The following KSR2 variants were observed in gnomAD, a reference collection of about 807,000 sequenced individuals.
KSR2 encodes kinase suppressor of ras 2.
KSR2 carries 25 observed loss-of-function variants against 107.8 expected under a neutral mutation model. That is an observed-to-expected ratio of 0.23 (90% CI 0.17 to 0.32). The LOEUF is 0.32. Among genes scored for constraint, KSR2 ranks in the 10% least tolerant of loss-of-function variants. The pLI, the probability that KSR2 is intolerant of heterozygous loss-of-function variation, is 1.00. For missense variants in KSR2, 887 were observed against 1,268.9 expected, an observed-to-expected ratio of 0.70 and a Z score of 4.57; for synonymous variants, 480 against 507.0, an observed-to-expected ratio of 0.95 and a Z score of 0.71.
chr12:117,801,321 GT>G (rs1890825552), intron 3 of KSR2, among the ~76,000 whole-genome samples: 1 of 151,326 alleles, frequency 6.6e-6, no homozygotes, highest in Non-Finnish European at 1.5e-5. Flanking sequence ...TAGAGACGAG[GT>G]TTTGTTATAT....
chr12:117,481,524 T>C (rs1872176797), intron 16 of KSR2, among the ~76,000 whole-genome samples: 1 of 152,202 alleles, frequency 6.6e-6, no homozygotes, highest in African/African-American at 2.4e-5. Flanking sequence ...GAGCCCTCAC[T>C]AGACACTAAA....
At chr12:117,532,404 T>G (rs115466293) in intron 10 of KSR2, among the ~76,000 whole-genome samples, 1,613 of 152,266 alleles carry the variant, frequency 0.011, 26 homozygotes, top group African/African-American at 0.032. Context: ...TTGACCTTCT[T>G]GCTTCCCTCT....
At chr12:117,816,494 T>C (rs1189492359) in intron 3 of KSR2, among the ~76,000 whole-genome samples, 3 of 152,222 alleles carry the variant, frequency 2.0e-5, no homozygotes, top group Non-Finnish European at 4.4e-5. Flanking sequence ...AGTGGTTTGT[T>C]GCAATAATAT....
intron 5 of KSR2, among the ~76,000 whole-genome samples, chr12:117,645,286 TC>T (rs1883564802): frequency 6.6e-6 from 1 of 152,218 alleles, no homozygotes; most frequent in Admixed American, 6.5e-5. Context: ...ATGCCTTTAT[TC>T]TAGAACTGGA....
intron 5 of KSR2, among the ~76,000 whole-genome samples, chr12:117,640,230 C>CTCTTTTTTTT (rs1218879931): frequency 1.8e-4 from 22 of 121,082 alleles, no homozygotes; most frequent in Middle Eastern, 8.5e-3. Context: ...TCCAATGAAG[C>CTCTTTTTTTT]TCTTTTTTTT....
At chr12:117,663,982 A>G (rs1233991774) in intron 5 of KSR2, among the ~76,000 whole-genome samples, 1 of 152,192 alleles carries the variant, frequency 6.6e-6, no homozygotes, top group East Asian at 1.9e-4. Flanking sequence ...ACTGCTCTCT[A>G]TTTCTCTGGG....
chr12:117,676,921 AG>A (rs1565956396), intron 4 of KSR2, among the ~76,000 whole-genome samples: 1 of 152,232 alleles, frequency 6.6e-6, no homozygotes, highest in African/African-American at 2.4e-5. Context: ...CAATAGTGGA[AG>A]GGATAAATAA....
chr12:117,965,546 C>T (rs1896760959), intron 1 of KSR2, among the ~76,000 whole-genome samples: 1 of 152,206 alleles, frequency 6.6e-6, no homozygotes, highest in Non-Finnish European at 1.5e-5. Context: ...GAAGTGTATA[C>T]ATGCTATTAA....
At chr12:117,717,666 G>GTGT (rs1887038768) in intron 4 of KSR2, among the ~76,000 whole-genome samples, 1 of 144,366 alleles carries the variant, frequency 6.9e-6, no homozygotes, top group African/African-American at 2.6e-5. Flanking sequence ...GGGGCAGACA[G>GTGT]GTGTGTGTGT....
intron 4 of KSR2, among the ~76,000 whole-genome samples, chr12:117,669,106 C>T (rs978143973): frequency 6.6e-6 from 1 of 152,174 alleles, no homozygotes; most frequent in Middle Eastern, 3.2e-3. Context: ...AGTGGGTGAG[C>T]ATCTGCCTTC....
At chr12:117,896,280 C>T (rs972016950) in intron 1 of KSR2, among the ~76,000 whole-genome samples, 42 of 152,068 alleles carry the variant, frequency 2.8e-4, no homozygotes, top group African/African-American at 9.2e-4. Context: ...ACACAAAAGG[C>T]CACATATAGT....
At chr12:117,473,294 T>C (rs1871590053) in intron 17 of KSR2, among the ~76,000 whole-genome samples, 1 of 152,194 alleles carries the variant, frequency 6.6e-6, no homozygotes, top group African/African-American at 2.4e-5. Context: ...TCATGCTGCC[T>C]GAATAATAAC....
At chr12:117,929,613 C>T (rs1895641133) in intron 1 of KSR2, among the ~76,000 whole-genome samples, 1 of 152,198 alleles carries the variant, frequency 6.6e-6, no homozygotes, top group African/African-American at 2.4e-5. Context: ...ACACAAGTGT[C>T]TGTCAGTAGA....
At position 117,677,033 on chromosome 12, in the gene KSR2, T is replaced by A. The variant is rs567835619; in HGVS notation, c.987-9375A>T. 3.3e-5 allele frequency among the ~76,000 whole-genome samples: 5 copies of A among 152,246 alleles called. No homozygotes were observed. In the East Asian group the frequency reaches 9.7e-4, roughly 29 times the overall value. On this transcript the variant is annotated intron_variant, in intron 4 of 19. Coordinates refer to ENST00000339824, the MANE Select transcript of KSR2 (RefSeq NM_173598.6). ...GGTGTCCATCATCGGGATAAGGTGA[T>A]GATGCCAGGCCTGGGAAGCAGGAAG... is the stretch of plus-strand genomic sequence containing the variant.
At chr12:117,478,367 C>T (rs954668792) in intron 16 of KSR2, among the ~76,000 whole-genome samples, 1 of 152,120 alleles carries the variant, frequency 6.6e-6, no homozygotes, top group African/African-American at 2.4e-5. Flanking sequence ...CACTAACCAC[C>T]ATGACTATTG....
chr12:117,497,075 A>G (rs1873074499), intron 14 of KSR2, among the ~76,000 whole-genome samples: 1 of 151,862 alleles, frequency 6.6e-6, no homozygotes, highest in African/African-American at 2.4e-5. Context: ...ACAGGGTATC[A>G]CCATGTTGTC....
At chr12:117,498,695 T>C (rs933117434) in intron 14 of KSR2, among the ~76,000 whole-genome samples, 3 of 152,162 alleles carry the variant, frequency 2.0e-5, no homozygotes, top group South Asian at 2.1e-4. Context: ...CAGTGGGAGA[T>C]AATTGAATCA....
intron 7 of KSR2, among the ~76,000 whole-genome samples, chr12:117,574,786 G>A (rs985725626): frequency 6.6e-6 from 1 of 151,808 alleles, no homozygotes; most frequent in Non-Finnish European, 1.5e-5. Context: ...GTCAGGTGAC[G>A]CTGATGGTGC....
chr12:117,539,536 A>C, intron 10 of KSR2, 183 bp downstream of exon 10: 1 of 535,180 alleles, frequency 1.9e-6, no homozygotes, highest in Non-Finnish European at 3.2e-6. Flanking sequence ...AAGTGATATA[A>C]GGGTAATTGC....
Sources: gnomAD v4.1 joint callset for allele counts (sites outside exome capture counted in the v4.1 genomes callset) on GRCh38, gnomAD v4.1.1 for gene constraint, MANE v1.5 for transcripts, NCBI Gene and HGNC (gene_info 2026-07-23, HGNC 2026-07-21) for gene names.